The following PRMT8 variants were observed in gnomAD, a reference collection of about 807,000 sequenced individuals.
The protein encoded by PRMT8 is protein arginine methyltransferase 8.
PRMT8 carries 7 observed loss-of-function variants against 47.1 expected under a neutral mutation model. The observed-to-expected ratio is 0.15, with a 90% confidence interval of 0.08 to 0.28. PRMT8 has a LOEUF of 0.28. Among genes scored for constraint, PRMT8 ranks in the 10% least tolerant of loss-of-function variants. The pLI, the probability that PRMT8 is intolerant of heterozygous loss-of-function variation, is 1.00. For synonymous variants in PRMT8, 188 were observed against 186.5 expected, an observed-to-expected ratio of 1.01 and a Z score of -0.07; for missense variants, 237 against 505.4, an observed-to-expected ratio of 0.47 and a Z score of 5.09.
At chr12:3,416,591 C>G (rs1294485322) in intron 1 of PRMT8, among the ~76,000 whole-genome samples, 4 of 152,198 alleles carry the variant, frequency 2.6e-5, no homozygotes, top group African/African-American at 9.6e-5. Flanking sequence ...CCAGAAGGAG[C>G]TGACAGAGGA....
rs74057408 is a variant in PRMT8 at position 3,441,514 on chromosome 12, G to C, written c.48+60072G>C. On this transcript the variant is annotated intron_variant, in intron 1 of 9. Transcript: ENST00000452611. ...CCGCGTGGCCATCACAAGGCCACCT[G>C]TAACCTTTGGGCCTCATACCCTGTG... Among the ~76,000 whole-genome samples the C allele has an allele frequency of 2.2e-3, 330 of 151,248 alleles. 1 individual carries two copies. Among genetic ancestry groups the C allele is most frequent in the African/African-American group, 7.8e-3 (316 of 40,528 alleles).
At chr12:3,591,407 C>CTTTTTTTT (rs34619063) in intron 8 of PRMT8, among the ~76,000 whole-genome samples, 7 of 115,752 alleles carry the variant, frequency 6.0e-5, no homozygotes, top group African/African-American at 2.4e-4. Flanking sequence ...AGGGAAAGCT[C>CTTTTTTTT]TTTTTTTTTT....
intron 1 of PRMT8, among the ~76,000 whole-genome samples, chr12:3,452,277 A>G (rs1008162792): frequency 4.6e-5 from 7 of 151,796 alleles, no homozygotes; most frequent in Non-Finnish European, 1.5e-5. Flanking sequence ...AAGTTTACCT[A>G]TTTAAGAAAC....
At chr12:3,454,270 T>C in intron 1 of PRMT8, among the ~76,000 whole-genome samples, 1 of 152,164 alleles carries the variant, frequency 6.6e-6, no homozygotes, top group East Asian at 1.9e-4. Flanking sequence ...AGCCTGCGGA[T>C]GGATTCCCAG....
chr12:3,466,888 T>C (rs1865101891), intron 1 of PRMT8, among the ~76,000 whole-genome samples: 1 of 152,152 alleles, frequency 6.6e-6, no homozygotes, highest in Admixed American at 6.5e-5. Context: ...ACAATCTCAT[T>C]CATGTGAAAA....
At chr12:3,562,153 G>T (rs1866647978) in intron 4 of PRMT8, among the ~76,000 whole-genome samples, 1 of 152,134 alleles carries the variant, frequency 6.6e-6, no homozygotes, top group Non-Finnish European at 1.5e-5. Flanking sequence ...ATTAGCGGTT[G>T]TTATGATTAT....
At chr12:3,554,098 GC>G (rs1866480170) in intron 4 of PRMT8, among the ~76,000 whole-genome samples, 2 of 152,054 alleles carry the variant, frequency 1.3e-5, no homozygotes, top group African/African-American at 4.8e-5. Flanking sequence ...CCCACCACCT[GC>G]CCAGGGGCAT....
At chr12:3,426,128 C>T (rs552082585) in intron 1 of PRMT8, among the ~76,000 whole-genome samples, 17 of 152,352 alleles carry the variant, frequency 1.1e-4, no homozygotes, top group African/African-American at 3.8e-4. Context: ...AGCTACCATG[C>T]AGCCCATGCC....
At chr12:3,584,632 A>G (rs1408619181) in intron 8 of PRMT8, among the ~76,000 whole-genome samples, 1 of 151,462 alleles carries the variant, frequency 6.6e-6, no homozygotes, top group Non-Finnish European at 1.5e-5. Flanking sequence ...AACCCATCCC[A>G]CTCCCACTCT....
chr12:3,404,531 C>T (rs1455763390), intron 1 of PRMT8, among the ~76,000 whole-genome samples: 1 of 152,176 alleles, frequency 6.6e-6, no homozygotes, highest in African/African-American at 2.4e-5. Context: ...CCATTATGCC[C>T]ATTTCCAAAA....
upstream of PRMT8, among the ~76,000 whole-genome samples, chr12:3,488,915 G>A (rs189278420): frequency 2.0e-4 from 30 of 152,278 alleles, no homozygotes; most frequent in East Asian, 3.3e-3. Context: ...GCTTGCTTGT[G>A]AATTTGTTCT....
intron 1 of PRMT8, among the ~76,000 whole-genome samples, chr12:3,449,387 C>T (rs1050137514): frequency 2.6e-5 from 4 of 152,198 alleles, no homozygotes; most frequent in African/African-American, 7.2e-5. Context: ...TCCACAGCCT[C>T]ACCAGCATCT....
chr12:3,529,731 T>G (rs1273452267), intron 1 of PRMT8, among the ~76,000 whole-genome samples: 2 of 152,232 alleles, frequency 1.3e-5, no homozygotes, highest in Non-Finnish European at 2.9e-5. Context: ...GTGATTTTCT[T>G]TCTCTCTTAT....
chr12:3,509,434 T>A (rs1335756296), intron 1 of PRMT8, among the ~76,000 whole-genome samples: 1 of 152,236 alleles, frequency 6.6e-6, no homozygotes, highest in Non-Finnish European at 1.5e-5. Context: ...GTTCCTGCTG[T>A]CTCAGCGCAT....
rs145362462 is a variant in PRMT8 at position 3,422,631 on chromosome 12, G to T, written c.48+41189G>T. Among the ~76,000 whole-genome samples, 44 of 152,350 alleles carry T rather than the reference G, an allele frequency of 2.9e-4. No individual in the cohort carries two copies. In the East Asian group the frequency reaches 8.5e-3, roughly 29 times the overall value. ...GGACGGAACAGAACAGAACAGAACA[G>T]AAGAGGGATTTTCACAAAGCTTTTC... On this transcript the variant is annotated intron_variant, in intron 1 of 9. Coordinates refer to the PRMT8 transcript ENST00000452611.
At chr12:3,484,598 A>G (rs527525228) in intron 1 of PRMT8, among the ~76,000 whole-genome samples, 1 of 152,362 alleles carries the variant, frequency 6.6e-6, no homozygotes, top group East Asian at 1.9e-4. Flanking sequence ...TTTTGTCCTC[A>G]CAACCCCTTA....
intron 1 of PRMT8, among the ~76,000 whole-genome samples, chr12:3,406,981 C>T (rs1370220484): frequency 6.6e-6 from 1 of 152,192 alleles, no homozygotes; most frequent in Non-Finnish European, 1.5e-5. Flanking sequence ...AATAAAGACA[C>T]ACCCAAGACT....
chr12:3,564,096 G>A lies in PRMT8; in HGVS notation c.482-4610G>A, dbSNP rs984346825. Among the ~76,000 whole-genome samples the A allele has an allele frequency of 1.3e-5, 2 of 152,164 alleles. No homozygotes were observed. The highest frequency in any genetic ancestry group is 2.4e-5 in the African/African-American group (1 of 41,426). On this transcript the variant is annotated intron_variant, in intron 4 of 9. Transcript: ENST00000382622. The surrounding 1 kb of genome is among the most constrained non-coding windows in gnomAD (Gnocchi z 4.0). ...ACGCTGGAGGTGAGCCGGGCCCTCC[G>A]CAGGTGCAAGGCAGCCAGCATGGGT...
chr12:3,547,348 TAAAG>T (rs766043922), intron 2 of PRMT8, among the ~76,000 whole-genome samples: 7 of 147,944 alleles, frequency 4.7e-5, no homozygotes, highest in Admixed American at 1.3e-4. Context: ...CACAGAAAAA[TAAAG>T]AAATCTAAAA....
Sources: gnomAD v4.1 joint callset for allele counts (sites outside exome capture counted in the v4.1 genomes callset) on GRCh38, gnomAD v4.1.1 for gene constraint, Gnocchi (gnomAD v3.1) non-coding constraint, MANE v1.5 for transcripts, NCBI Gene and HGNC (gene_info 2026-07-23, HGNC 2026-07-21) for gene names.